KALRN: variants seen among roughly 807,000 people sequenced by gnomAD.
KALRN encodes kalirin RhoGEF kinase.
A neutral mutation model predicts 353.7 loss-of-function variants in KALRN; 70 were observed. The observed-to-expected ratio is 0.20, with a 90% CI of 0.16 to 0.24. The LOEUF (loss-of-function observed/expected upper bound fraction) is 0.24, where lower values mean the gene tolerates loss of function less well. Ranked by LOEUF, KALRN falls within the 10% of genes least tolerant of loss-of-function variation. The pLI is 1.00. For missense variants in KALRN, 2,791 were observed against 3,756.7 expected (o/e 0.74, Z 6.72); for synonymous variants, 1,391 against 1,434.8 (o/e 0.97, Z 0.69).
At chr3:124,449,466 A>T (rs1429653705) in intron 21 of KALRN, among the ~76,000 whole-genome samples, 1 of 152,216 alleles carries the variant, frequency 6.6e-6, no homozygotes, top group African/African-American at 2.4e-5. Context: ...GGGTTTCAAA[A>T]TGTATAAGGG....
At chr3:124,111,643 G>A (rs572773368) in intron 1 of KALRN, among the ~76,000 whole-genome samples, 2 of 152,166 alleles carry the variant, frequency 1.3e-5, no homozygotes, top group African/African-American at 2.4e-5. Flanking sequence ...TGAGACCTAC[G>A]TGCTCTGAAT....
chr3:124,603,386 C>T (rs6776954), intron 34 of KALRN, among the ~76,000 whole-genome samples: 90,876 of 152,026 alleles, frequency 0.6, 27,384 homozygotes, highest in East Asian at 0.83. Flanking sequence ...TTTCTTGCTC[C>T]GTATGGCAAC....
chr3:124,409,176 C>T (rs1434494017), intron 13 of KALRN, among the ~76,000 whole-genome samples: 2 of 152,076 alleles, frequency 1.3e-5, no homozygotes, highest in Admixed American at 6.5e-5. Context: ...GCCACTAGAG[C>T]AAGTGGGGAA....
At chr3:124,688,058 C>A (rs983301824) in intron 51 of KALRN, among the ~76,000 whole-genome samples, 1 of 152,032 alleles carries the variant, frequency 6.6e-6, no homozygotes, top group Non-Finnish European at 1.5e-5. Context: ...TACCTGTAAT[C>A]CCAGCACATT....
At position 124,056,586 on chromosome 3, in the gene KALRN, T is replaced by C. The variant is rs547090764; in HGVS notation, c.73+22773T>C. Among the ~76,000 whole-genome samples the C allele has an allele frequency of 5.3e-4, 80 of 152,332 alleles. 1 individual carries two copies. In the South Asian group the frequency reaches 0.016, roughly 31 times the overall value. On this transcript the variant is annotated intron_variant, in intron 1 of 59. Coordinates refer to ENST00000682506, the MANE Select transcript of KALRN (RefSeq NM_001388419.1). Reference sequence around the variant, plus strand: ...TCTCTGATAATTTAGGAGAAAGTCTTCCTTTGCTTATCTCAACTCTGGGAA... The same window carrying C: ...TCTCTGATAATTTAGGAGAAAGTCTCCCTTTGCTTATCTCAACTCTGGGAA...
intron 1 of KALRN, among the ~76,000 whole-genome samples, chr3:124,160,517 G>A (rs529469070): frequency 6.6e-6 from 1 of 152,268 alleles, no homozygotes; most frequent in Non-Finnish European, 1.5e-5. Context: ...AGAAGGAAAG[G>A]AAGTGTGAAA....
chr3:124,055,334 G>A lies in KALRN; in HGVS notation c.73+21521G>A, dbSNP rs370583366. Among the ~76,000 whole-genome samples the A allele has an allele frequency of 2.6e-5, 4 of 152,306 alleles. No individual in the cohort carries two copies. The South Asian group carries it at 8.3e-4, about 32-fold the overall frequency. ...TCATAGAAGTCTGCCAACTGTTAGA[G>A]AGAATGTTTCCTCTTCCCCGCTCCT... On this transcript the variant is annotated intron_variant, in intron 1 of 59. Coordinates refer to ENST00000682506, the MANE Select transcript of KALRN (RefSeq NM_001388419.1).
At chr3:124,290,929 G>T (rs1393091172) in intron 5 of KALRN, among the ~76,000 whole-genome samples, 3 of 152,140 alleles carry the variant, frequency 2.0e-5, no homozygotes, top group Admixed American at 6.5e-5. Flanking sequence ...AAGACAAGAG[G>T]TTTATACTGT....
At chr3:124,231,429 C>G (rs1341548280) in intron 2 of KALRN, among the ~76,000 whole-genome samples, 3 of 152,202 alleles carry the variant, frequency 2.0e-5, no homozygotes, top group Admixed American at 6.5e-5. Flanking sequence ...TCCTCTCTGC[C>G]TCCCTATCTC....
At chr3:124,593,129 T>G (rs1208094005) in intron 34 of KALRN, among the ~76,000 whole-genome samples, 1 of 152,208 alleles carries the variant, frequency 6.6e-6, no homozygotes, top group Non-Finnish European at 1.5e-5. Flanking sequence ...TTCTGCTCTC[T>G]CTCCATGAGA....
chr3:124,482,740 C>T, intron 27 of KALRN, 68 bp from the exon 28 acceptor site: 1 of 1,024,586 alleles, frequency 9.8e-7, no homozygotes, highest in Non-Finnish European at 1.6e-6. Flanking sequence ...CTGCCTTTCT[C>T]CTCTCAGAGT....
At chr3:124,108,770 CT>C (rs2062561148) in intron 1 of KALRN, among the ~76,000 whole-genome samples, 1 of 152,104 alleles carries the variant, frequency 6.6e-6, no homozygotes, top group Non-Finnish European at 1.5e-5. Flanking sequence ...TGTGAAGTTA[CT>C]AAGATTTGGG....
chr3:124,251,873 A>C (rs1049938883), intron 3 of KALRN, among the ~76,000 whole-genome samples: 1 of 152,182 alleles, frequency 6.6e-6, no homozygotes, highest in Non-Finnish European at 1.5e-5. Context: ...TGGAAGAGAA[A>C]AAGAGAAACC....
At chr3:124,474,899 G>A (rs2061297065) in intron 26 of KALRN, among the ~76,000 whole-genome samples, 167 bp downstream of exon 26, 1 of 152,140 alleles carries the variant, frequency 6.6e-6, no homozygotes, top group African/African-American at 2.4e-5. Context: ...TAGACATCAA[G>A]ATTAAGCTCC....
Position 124,103,005 on chromosome 3 carries a change from T to G in KALRN, c.73+69192T>G, listed in dbSNP as rs80030394. Among the ~76,000 whole-genome samples, 42 of 152,260 alleles carry G rather than the reference T, an allele frequency of 2.8e-4. No homozygotes were observed. In the East Asian group the frequency reaches 7.7e-3, roughly 28 times the overall value. On this transcript the variant is annotated intron_variant, in intron 1 of 59. Transcript: ENST00000682506. The stretch of plus-strand genomic sequence containing the variant: ...AAGTGCTTGGTTAAAGTCAGAGAGC[T>G]GCTAAGGGAAAAGTCAAGATCCAGG...
intron 1 of KALRN, among the ~76,000 whole-genome samples, chr3:124,149,271 T>C (rs984258705): frequency 4.6e-5 from 7 of 152,222 alleles, no homozygotes; most frequent in Non-Finnish European, 8.8e-5. Context: ...TAGCAAAGTC[T>C]GCCCAGATGA....
At chr3:124,480,695 C>A (rs1473756374) in intron 27 of KALRN, among the ~76,000 whole-genome samples, 2 of 152,136 alleles carry the variant, frequency 1.3e-5, no homozygotes, top group Non-Finnish European at 2.9e-5. Context: ...TTAGCCATCA[C>A]CCCCCAGCTC....
At chr3:124,694,198 C>T (rs750753795) in intron 52 of KALRN, 134 bp from the exon 53 acceptor site, 16 of 805,638 alleles carry the variant, frequency 2.0e-5, no homozygotes, top group African/African-American at 3.4e-5. Flanking sequence ...AGATGACTCA[C>T]CAGTGTTATA....
intron 21 of KALRN, among the ~76,000 whole-genome samples, chr3:124,450,351 C>A (rs537497826): frequency 6.6e-6 from 1 of 151,858 alleles, no homozygotes; most frequent in South Asian, 2.1e-4. Context: ...ATGAAAGAAG[C>A]CTTGAGATAA....
Sources: allele counts gnomAD v4.1 joint callset (sites outside exome capture counted in the v4.1 genomes callset), GRCh38; gene constraint gnomAD v4.1.1; transcripts MANE v1.5; gene names NCBI Gene and HGNC (gene_info 2026-07-23, HGNC 2026-07-21).